FOXJ3: variants seen among roughly 807,000 people sequenced by gnomAD.
The protein encoded by FOXJ3 is forkhead box J3.
FOXJ3 carries 22 observed loss-of-function variants against 76.1 expected under a neutral mutation model. The observed-to-expected ratio is 0.29, with a 90% CI of 0.21 to 0.41. The LOEUF (loss-of-function observed/expected upper bound fraction) is 0.41, where lower values mean the gene tolerates loss of function less well. FOXJ3 is among the 10% of genes least tolerant of loss of function. The probability of loss-of-function intolerance (pLI) is 1.00; values close to 1 mark genes in which losing one functional copy is unlikely to be tolerated. For missense variants in FOXJ3, 613 were observed against 762.1 expected, an observed-to-expected ratio of 0.80 and a Z score of 2.30; for synonymous variants, 269 against 261.2, an observed-to-expected ratio of 1.03 and a Z score of -0.29.
At chr1:42,329,180 C>A (rs1222929476) in intron 1 of FOXJ3, among the ~76,000 whole-genome samples, 1 of 152,132 alleles carries the variant, frequency 6.6e-6, no homozygotes, top group Admixed American at 6.5e-5. Flanking sequence ...AGTAGAATGT[C>A]ATTGTTATAA....
At chr1:42,300,733 C>T (rs11809197) in intron 2 of FOXJ3, among the ~76,000 whole-genome samples, 2,440 of 152,228 alleles carry the variant, frequency 0.016, 76 homozygotes, top group African/African-American at 0.056. Flanking sequence ...GCTGTGATCA[C>T]GCCACTGTAC....
intron 4 of FOXJ3, among the ~76,000 whole-genome samples, chr1:42,231,913 A>G (rs1374158916): frequency 4.7e-5 from 7 of 148,764 alleles, no homozygotes; most frequent in East Asian, 3.9e-4. Context: ...TCGTCATTTA[A>G]CATTAGGTAT....
At chr1:42,232,548 GTGA>G (rs1569973226) in intron 4 of FOXJ3, among the ~76,000 whole-genome samples, 1 of 149,844 alleles carries the variant, frequency 6.7e-6, no homozygotes, top group Non-Finnish European at 1.5e-5. Context: ...CTGATGGCCA[GTGA>G]TGATGAGCAT....
At chr1:42,316,949 A>C (rs913839960) in intron 1 of FOXJ3, among the ~76,000 whole-genome samples, 2 of 152,204 alleles carry the variant, frequency 1.3e-5, no homozygotes, top group Non-Finnish European at 2.9e-5. Context: ...TGGGTGCGCC[A>C]AAATCTCAGA....
In FOXJ3 at chr1:42,229,043, T is replaced by C. The variant is rs375164327; in HGVS notation, c.445-1077A>G. On this transcript the variant is annotated intron_variant, in intron 4 of 12. Transcript: ENST00000361346. ...CACGAATCATCTCCTTATACTTTCTTGAACATACCATGTTGTTTATCTGTT... is the reference window on the plus strand; with the variant it reads ...CACGAATCATCTCCTTATACTTTCTCGAACATACCATGTTGTTTATCTGTT... 1.7e-4 allele frequency among the ~76,000 whole-genome samples: 26 copies of C among 152,336 alleles called. No individual in the cohort carries two copies. The East Asian group carries it at 3.5e-3, about 20-fold the overall frequency.
rs1410679711 is a variant in FOXJ3, at chr1:42,177,237, C to T, written c.*2473G>A. 4 of 152,658 alleles carry T rather than the reference C, an allele frequency of 2.6e-5. No individual in the cohort carries two copies. Among genetic ancestry groups the T allele is most frequent in the Admixed American group, 6.5e-5 (1 of 15,284 alleles). 9.5% of individuals were successfully genotyped at this position (152,658 alleles called of 1,614,324 possible). A position where few individuals can be genotyped will look rare whatever the true frequency, so the allele number is the denominator to read the frequency against. On this transcript the variant is annotated 3_prime_UTR_variant, in exon 13 of 13. Transcript: ENST00000361346. ...GGATGGGTCTGGGTGAAGGCTTTGC[C>T]TCCATGGCCATTCTTGCTAAGTTTA... is the stretch of plus-strand genomic sequence containing the variant.
At chr1:42,307,063 T>G (rs935755841) in intron 2 of FOXJ3, among the ~76,000 whole-genome samples, 2 of 152,184 alleles carry the variant, frequency 1.3e-5, no homozygotes, top group African/African-American at 4.8e-5. Flanking sequence ...GCACTAAAGA[T>G]GGACTGAAAG....
intron 1 of FOXJ3, among the ~76,000 whole-genome samples, chr1:42,315,139 T>C (rs1358050851): frequency 6.6e-6 from 1 of 152,160 alleles, no homozygotes; most frequent in Non-Finnish European, 1.5e-5. Context: ...GGCAAATCTA[T>C]AGAAATGAAA....
chr1:42,323,108 G>C (rs1352910568), intron 1 of FOXJ3, among the ~76,000 whole-genome samples: 1 of 152,112 alleles, frequency 6.6e-6, no homozygotes, highest in Non-Finnish European at 1.5e-5. Context: ...AAGAAACTGG[G>C]TGTGTTTAGC....
intron 5 of FOXJ3, among the ~76,000 whole-genome samples, chr1:42,219,082 CCA>C (rs1218005063): frequency 6.6e-6 from 1 of 152,210 alleles, no homozygotes; most frequent in Non-Finnish European, 1.5e-5. Context: ...CCTCTCTTTT[CCA>C]CAGTTTCACT....
intron 5 of FOXJ3, among the ~76,000 whole-genome samples, chr1:42,219,029 A>C (rs1036225506): frequency 1.3e-5 from 2 of 152,220 alleles, no homozygotes; most frequent in Non-Finnish European, 2.9e-5. Flanking sequence ...ATAACATACA[A>C]CTTTAAAACT....
chr1:42,250,420 G>A (rs890803142), intron 4 of FOXJ3, among the ~76,000 whole-genome samples: 4 of 152,036 alleles, frequency 2.6e-5, no homozygotes, highest in African/African-American at 9.7e-5. Context: ...TCATGTCCAG[G>A]AACTATTAAA....
chr1:42,214,705 C>A (rs1647031052), intron 5 of FOXJ3, among the ~76,000 whole-genome samples: 1 of 152,116 alleles, frequency 6.6e-6, no homozygotes, highest in Non-Finnish European at 1.5e-5. Flanking sequence ...CAAGATTAGG[C>A]AATAGATGTG....
chr1:42,238,331 C>T (rs1166327811), intron 4 of FOXJ3, among the ~76,000 whole-genome samples: 7 of 152,104 alleles, frequency 4.6e-5, no homozygotes, highest in Admixed American at 1.3e-4. Context: ...CATGCCCAGC[C>T]GCCAATACCA....
intron 5 of FOXJ3, among the ~76,000 whole-genome samples, chr1:42,215,614 G>A (rs1200268572): frequency 6.6e-6 from 1 of 152,090 alleles, no homozygotes. Flanking sequence ...AATTAGCTCA[G>A]TAAACCCCAA....
At chr1:42,323,957 T>C (rs979083451) in intron 1 of FOXJ3, 8 of 150,924 alleles carry the variant, frequency 5.3e-5, no homozygotes, top group African/African-American at 1.9e-4. Context: ...TCAAGTGTTT[T>C]AGCGATATAT....
chr1:42,219,652 A>G (rs961745026), intron 5 of FOXJ3, among the ~76,000 whole-genome samples: 1 of 152,232 alleles, frequency 6.6e-6, no homozygotes, highest in Non-Finnish European at 1.5e-5. Flanking sequence ...AAAGCAATCT[A>G]AAGTTTTGGG....
At chr1:42,193,346 A>G (rs1028057405) in intron 8 of FOXJ3, among the ~76,000 whole-genome samples, 1 of 151,708 alleles carries the variant, frequency 6.6e-6, no homozygotes, top group African/African-American at 2.4e-5. Flanking sequence ...AAGTAAACTC[A>G]GTTGACTTAA....
rs76717485 is a variant in FOXJ3 at position 42,213,471 on chromosome 1, T to TA, written c.529-7609dup. ...AAAAAGACTGTAAAACAACAACAGT[T>TA]AAAAAAAAAAAAAAGACACGATTAT... On this transcript the variant is annotated intron_variant, in intron 5 of 12. Transcript: ENST00000361346. Among the ~76,000 whole-genome samples the TA allele has an allele frequency of 4.1e-3, 544 of 132,308 alleles. 3 individuals carry two copies. Among genetic ancestry groups the TA allele is most frequent in the African/African-American group, 0.01 (377 of 36,106 alleles). 86.8% of individuals were successfully genotyped at this position (132,308 alleles called of 152,430 possible). A position where few individuals can be genotyped will look rare whatever the true frequency, so the allele number is the denominator to read the frequency against.
Sources: gnomAD v4.1 joint callset for allele counts (sites outside exome capture counted in the v4.1 genomes callset) on GRCh38, gnomAD v4.1.1 for gene constraint, MANE v1.5 for transcripts, NCBI Gene and HGNC (gene_info 2026-07-23, HGNC 2026-07-21) for gene names.